Variants in CFAP46 observed in about 807,000 individuals in gnomAD.
The protein encoded by CFAP46 is cilia and flagella associated protein 46.
CFAP46 carries 245 observed loss-of-function variants against 325.7 expected under a neutral mutation model. That is an observed-to-expected ratio of 0.75 (90% CI 0.68 to 0.84). CFAP46 has a LOEUF of 0.84. CFAP46 is among the 40% of genes least tolerant of loss of function. The pLI, the probability that CFAP46 is intolerant of heterozygous loss-of-function variation, is 0.00. For synonymous variants in CFAP46, 1,523 were observed against 1,495.9 expected (o/e 1.02, Z -0.42); for missense variants, 3,346 against 3,543.0 (o/e 0.94, Z 1.41).
At chr10:132,851,053 G>T (rs557081818) in intron 40 of CFAP46, 64 bp downstream of exon 40, 6 of 1,584,426 alleles carry the variant, frequency 3.8e-6, no homozygotes, top group Non-Finnish European at 5.2e-6. Flanking sequence ...TGGAACGGGG[G>T]TCCCATCAGC....
intron 47 of CFAP46, 53 bp from the exon 48 acceptor site, chr10:132,834,828 A>AC (rs1848212382): frequency 6.3e-7 from 1 of 1,576,638 alleles, no homozygotes; most frequent in Non-Finnish European, 8.6e-7. Flanking sequence ...CATGGCCCAG[A>AC]CCCCGCGAGG....
intron 24 of CFAP46, among the ~76,000 whole-genome samples, chr10:132,898,123 A>T (rs1268339950): frequency 6.6e-6 from 1 of 152,190 alleles, no homozygotes; most frequent in Non-Finnish European, 1.5e-5. Context: ...AAGAGAGCTC[A>T]GAGTGGGCTG....
chr10:132,921,848 G>A (rs949923158), intron 13 of CFAP46, among the ~76,000 whole-genome samples: 8 of 152,224 alleles, frequency 5.3e-5, no homozygotes, highest in African/African-American at 1.4e-4. Flanking sequence ...GTAAGTTCCC[G>A]TAGTCTAAGC....
At chr10:132,942,134 T>G in intron 1 of CFAP46, 30 bp from the exon 2 acceptor site, 1 of 1,550,798 alleles carries the variant, frequency 6.4e-7, no homozygotes. Context: ...GAGGAAGGTT[T>G]GGTCACTGGG....
At chr10:132,841,375 C>T (rs1380500579) in intron 44 of CFAP46, among the ~76,000 whole-genome samples, 1 of 152,266 alleles carries the variant, frequency 6.6e-6, no homozygotes, top group African/African-American at 2.4e-5. Context: ...TCTCTTCCGA[C>T]AGCACCTGCT....
intron 22 of CFAP46, among the ~76,000 whole-genome samples, chr10:132,907,575 A>G (rs527627745): frequency 5.4e-4 from 82 of 152,314 alleles, no homozygotes; most frequent in African/African-American, 1.9e-3. Context: ...TGTCTATTCA[A>G]AATTACTTCA....
intron 12 of CFAP46, 78 bp downstream of exon 12, chr10:132,922,402 G>A (rs1849737896): frequency 6.8e-7 from 1 of 1,466,048 alleles, no homozygotes; most frequent in Non-Finnish European, 9.1e-7. Flanking sequence ...CTCCCGCCCT[G>A]CTGTGCCCTC....
intron 17 of CFAP46, among the ~76,000 whole-genome samples, chr10:132,914,870 C>T (rs1227776644): frequency 3.3e-5 from 5 of 152,228 alleles, no homozygotes; most frequent in African/African-American, 1.2e-4. Context: ...CTCCTGGCTT[C>T]GCTCCACACT....
Position 132,827,753 on chromosome 10 carries a change from C to T in CFAP46, c.7117+5605G>A, listed in dbSNP as rs1013610551. Among the ~76,000 whole-genome samples the T allele has an allele frequency of 1.3e-5, 2 of 152,012 alleles. No individual in the cohort carries two copies. The highest frequency in any genetic ancestry group is 2.9e-5 in the Non-Finnish European group (2 of 67,998). ...CCTGCAACCCTCCCTCCTGCACCCA[C>T]GACCCTCCCCCAACTTCTCCTGCAG... is the stretch of plus-strand genomic sequence containing the variant. On this transcript the variant is annotated intron_variant, in intron 50 of 57. Coordinates refer to ENST00000368586, the MANE Select transcript of CFAP46 (RefSeq NM_001200049.3). The surrounding 1 kb of genome is among the most constrained non-coding windows in gnomAD (Gnocchi z 5.7).
rs749206037 is a variant in CFAP46 at position 132,892,375 on chromosome 10, C to T, written c.3262G>A (p.Asp1088Asn). The T allele has an allele frequency of 4.3e-5, 67 of 1,550,786 alleles. No homozygotes were observed. Among genetic ancestry groups the T allele is most frequent in the Middle Eastern group, 3.3e-4 (2 of 6,020 alleles). The change falls in exon 25 of 58, where the codon GAC (aspartate) becomes AAC (asparagine). Residue 1088 changes from aspartate (D) to asparagine (N), a missense_variant. Asp to Asn is a conservative substitution (Grantham distance 23, BLOSUM62 1). Coordinates refer to ENST00000368586, the MANE Select transcript of CFAP46 (RefSeq NM_001200049.3). ...TLLLHQWPTA[D>N]FQGGGTTEGY... ...TCGGTCGTCCCGCCACCCTGGAAGTCGGCCGTGGGCCACTGGTGCAGAAGC... is the reference window on the plus strand; with the variant it reads ...TCGGTCGTCCCGCCACCCTGGAAGTTGGCCGTGGGCCACTGGTGCAGAAGC...
At chr10:132,920,477 G>A (rs1849706540) in intron 13 of CFAP46, among the ~76,000 whole-genome samples, 1 of 152,186 alleles carries the variant, frequency 6.6e-6, no homozygotes, top group Non-Finnish European at 1.5e-5. Context: ...TGGCTGCGCT[G>A]TCCAGCTGCC....
Position 132,886,576 on chromosome 10 carries a change from T to C in CFAP46, c.3305-617A>G, listed in dbSNP as rs1849135120. On this transcript the variant is annotated intron_variant, in intron 25 of 57. Coordinates refer to ENST00000368586, the MANE Select transcript of CFAP46 (RefSeq NM_001200049.3). This position sits in a 1 kb window ranked among gnomAD's most constrained non-coding sequence, Gnocchi z 5.8. Reference sequence around the variant, plus strand: ...TGCACGAAGCCAGCAGGGTGGATCCTGGTGGGATGGAACCCTCAGTGTCTG... The same window carrying C: ...TGCACGAAGCCAGCAGGGTGGATCCCGGTGGGATGGAACCCTCAGTGTCTG... Among the ~76,000 whole-genome samples, 1 of 152,294 alleles carries C rather than the reference T, an allele frequency of 6.6e-6. No homozygotes were observed. The highest frequency in any genetic ancestry group is 1.9e-4 in the East Asian group (1 of 5,182).
At chr10:132,818,984 A>G (rs979792107) in intron 50 of CFAP46, among the ~76,000 whole-genome samples, 5 of 152,050 alleles carry the variant, frequency 3.3e-5, no homozygotes, top group Non-Finnish European at 5.9e-5. Context: ...AAACTGTTAG[A>G]ACTAATAAAT....
In CFAP46 at chr10:132,812,835, C is replaced by G. The variant is rs1283690779; in HGVS notation, c.7451G>C (p.Ser2484Thr). The G allele has an allele frequency of 1.9e-6, 3 of 1,611,968 alleles. No homozygotes were observed. The highest frequency in any genetic ancestry group is 4.5e-5 in the East Asian group (2 of 44,878). The change falls in exon 55 of 58, where the codon AGC becomes ACC. Residue 2484 changes from serine to threonine, a missense_variant. Physicochemically the swap from Ser to Thr is moderately conservative, Grantham distance 58. Transcript: ENST00000368586. ...CSGFFFYGME[S>T]FLSHILVERL... is the part of the protein sequence containing the mutation. ...CTCCACTAATATATGGGACAGGAAG[C>G]TCTCCATTCCATAGAAGAAGAAACC...
intron 44 of CFAP46, among the ~76,000 whole-genome samples, chr10:132,843,530 G>A (rs1415673733): frequency 6.7e-6 from 1 of 149,316 alleles, no homozygotes; most frequent in East Asian, 2.0e-4. Flanking sequence ...TTCCCAGGGT[G>A]CTGTAAGGCT....
Position 132,832,805 on chromosome 10 carries a change from G to A in CFAP46, c.7117+553C>T, listed in dbSNP as rs1296917059. 1 of 471,074 alleles carries A rather than the reference G, an allele frequency of 2.1e-6. No homozygotes were observed. The highest frequency in any genetic ancestry group is 6.9e-5 in the East Asian group (1 of 14,404). 29.2% of individuals were successfully genotyped at this position (471,074 alleles called of 1,614,324 possible). A position where few individuals can be genotyped will look rare whatever the true frequency, so the allele number is the denominator to read the frequency against. ...CGCTCCCTCGTGCTTTTCACTGTCTGAGTGATTAACGGAGAGGCTGGCTGT... is the reference window on the plus strand; with the variant it reads ...CGCTCCCTCGTGCTTTTCACTGTCTAAGTGATTAACGGAGAGGCTGGCTGT... On this transcript the variant is annotated intron_variant, in intron 50 of 57. Coordinates refer to ENST00000368586, the MANE Select transcript of CFAP46 (RefSeq NM_001200049.3). The surrounding 1 kb of genome is among the most constrained non-coding windows in gnomAD (Gnocchi z 4.1).
chr10:132,937,288 A>C (rs773574582), intron 6 of CFAP46: 24 of 543,394 alleles, frequency 4.4e-5, no homozygotes, highest in Non-Finnish European at 7.2e-5. Flanking sequence ...AAAAAAATTC[A>C]AAGCTATTAC....
chr10:132,816,328 C>CTTTT (rs1008391673), intron 50 of CFAP46, among the ~76,000 whole-genome samples: 114 of 118,840 alleles, frequency 9.6e-4, no homozygotes, highest in Non-Finnish European at 1.1e-3. Context: ...CTGACTTCTT[C>CTTTT]TTTTTTTTTT....
chr10:132,879,307 G>A (rs1849003094), intron 29 of CFAP46, 119 bp downstream of exon 29: 2 of 1,010,204 alleles, frequency 2.0e-6, no homozygotes, highest in South Asian at 3.5e-5. Flanking sequence ...CATCTCAAAG[G>A]TCTTTAGGAA....
Sources: gnomAD v4.1 joint callset for allele counts (sites outside exome capture counted in the v4.1 genomes callset) on GRCh38, gnomAD v4.1.1 for gene constraint, Gnocchi (gnomAD v3.1) non-coding constraint, MANE v1.5 for transcripts, NCBI Gene and HGNC (gene_info 2026-07-23, HGNC 2026-07-21) for gene names.